The following STX6 variants were observed in gnomAD, a reference collection of about 807,000 sequenced individuals.
STX6 encodes the protein syntaxin-6.
A neutral mutation model predicts 38.0 loss-of-function variants in STX6; 23 were observed. The observed-to-expected ratio is 0.60, with a 90% CI of 0.43 to 0.86. STX6 has a LOEUF of 0.86. Ranked by LOEUF, STX6 falls within the 40% of genes least tolerant of loss-of-function variation. The pLI is 0.00. For synonymous variants in STX6, 123 were observed against 107.5 expected, an observed-to-expected ratio of 1.14 and a Z score of -0.89; for missense variants, 274 against 312.9, an observed-to-expected ratio of 0.88 and a Z score of 0.94.
chr1:180,997,827 TAA>T (rs1290150461), intron 3 of STX6, among the ~76,000 whole-genome samples: 3 of 152,242 alleles, frequency 2.0e-5, no homozygotes, highest in African/African-American at 7.2e-5. Flanking sequence ...CACTGCTTTT[TAA>T]AAGTTTGCAT....
At chr1:180,977,231 A>C (rs193142045) in intron 7 of STX6, among the ~76,000 whole-genome samples, 2 of 152,374 alleles carry the variant, frequency 1.3e-5, no homozygotes, top group East Asian at 3.9e-4. Flanking sequence ...GCTCCTCTGT[A>C]AATGAAAGTG....
Position 180,974,938 on chromosome 1 carries a change from C to T in STX6, c.*1632G>A, listed in dbSNP as rs1398254883. On this transcript the variant is annotated 3_prime_UTR_variant, in exon 8 of 8. Transcript: ENST00000258301. Reference sequence around the variant, plus strand: ...GCATATTTTCTTAACCTACCATGATCTCAAATGAGATAAAATATCCTTCTT... The same window carrying T: ...GCATATTTTCTTAACCTACCATGATTTCAAATGAGATAAAATATCCTTCTT... 1.3e-5 allele frequency: 2 copies of T among 152,538 alleles called. No individual in the cohort carries two copies. The highest frequency in any genetic ancestry group is 2.4e-5 in the African/African-American group (1 of 41,406). The allele number at this position is 152,538 out of a possible 1,614,324, so 9.4% of individuals were successfully genotyped here. A position where few individuals can be genotyped will look rare whatever the true frequency, so the allele number is the denominator to read the frequency against.
At chr1:180,982,529 C>T (rs1655445986) in intron 7 of STX6, among the ~76,000 whole-genome samples, 1 of 152,176 alleles carries the variant, frequency 6.6e-6, no homozygotes, top group Non-Finnish European at 1.5e-5. Context: ...AACTTCAGTG[C>T]TATTTATACA....
At chr1:180,993,070 A>G (rs1419835400) in intron 4 of STX6, among the ~76,000 whole-genome samples, 1 of 152,216 alleles carries the variant, frequency 6.6e-6, no homozygotes, top group Non-Finnish European at 1.5e-5. Context: ...TACAGAATAA[A>G]CACATTAAAA....
chr1:181,022,656 G>C lies in STX6; in HGVS notation c.18C>G (p.Pro6=). Residue 6 remains proline (P), a synonymous_variant, in exon 1 of 8, where the codon CCC becomes CCG. Transcript: ENST00000258301. The part of the protein sequence containing the change: MSMED[P]FFVVKGEVQK... ...ACACTCACCCTTTCACCACAAAGAAGGGGTCCTCCATGGACATGGCGTCCC... is the reference window on the plus strand; with the variant it reads ...ACACTCACCCTTTCACCACAAAGAACGGGTCCTCCATGGACATGGCGTCCC... 1 of 1,610,784 alleles carries C rather than the reference G, an allele frequency of 6.2e-7. No individual in the cohort carries two copies. The highest frequency in any genetic ancestry group is 8.5e-7 in the Non-Finnish European group (1 of 1,178,686).
Position 181,022,501 on chromosome 1 carries a change from C to G in STX6, c.35+138G>C, listed in dbSNP as rs534244365. 14 of 860,774 alleles carry G rather than the reference C, an allele frequency of 1.6e-5. No individual in the cohort carries two copies. In the African/African-American group the frequency reaches 2.0e-4, roughly 12 times the overall value. 53.3% of individuals were successfully genotyped at this position (860,774 alleles called of 1,614,324 possible). On this transcript the variant is annotated intron_variant, in intron 1 of 7. Transcript: ENST00000258301. The stretch of plus-strand genomic sequence containing the variant: ...TCTCTTGACGCTTGGTCATGGCCCT[C>G]AAGACTAAGCCGTCTCCACTGTTCC...
intron 4 of STX6, 85 bp downstream of exon 4, chr1:180,993,278 T>A (rs1372749597): frequency 1.2e-6 from 1 of 838,900 alleles, no homozygotes; most frequent in African/African-American, 1.7e-5. Context: ...GATTACATGA[T>A]CCATGGATGG....
chr1:181,019,334 G>A (rs1269475928), intron 1 of STX6, among the ~76,000 whole-genome samples: 1 of 147,558 alleles, frequency 6.8e-6, no homozygotes, highest in Non-Finnish European at 1.5e-5. Context: ...TATTCAAGGT[G>A]TAGGCTGGAA....
chr1:181,002,056 G>C (rs1483189126), intron 3 of STX6, among the ~76,000 whole-genome samples: 1 of 152,158 alleles, frequency 6.6e-6, no homozygotes, highest in Admixed American at 6.5e-5. Context: ...TGTAGTCCCA[G>C]CTATTTGGGA....
intron 6 of STX6, among the ~76,000 whole-genome samples, chr1:180,985,158 C>T (rs956892557): frequency 6.6e-5 from 10 of 151,938 alleles, no homozygotes; most frequent in Admixed American, 1.3e-4. Context: ...AAAAAAACAA[C>T]GAGATTTCTT....
chr1:180,994,012 T>C (rs1655829415), intron 3 of STX6, among the ~76,000 whole-genome samples: 1 of 152,226 alleles, frequency 6.6e-6, no homozygotes, highest in Admixed American at 6.5e-5. Context: ...TCATGAAAGG[T>C]ATAGACTATT....
intron 3 of STX6, among the ~76,000 whole-genome samples, 190 bp from the exon 4 acceptor site, chr1:180,993,615 A>T (rs1655817952): frequency 6.6e-6 from 1 of 152,262 alleles, no homozygotes; most frequent in Admixed American, 6.5e-5. Context: ...CTTAAAAAGA[A>T]GTAACCTGGA....
In STX6 at chr1:180,973,957, C is replaced by G. The variant is rs1655186250; in HGVS notation, c.*2613G>C. On this transcript the variant is annotated 3_prime_UTR_variant, in exon 8 of 8. Transcript: ENST00000258301. ...GAAGGCTAAAGGGGTAGGAAAGCCC[C>G]AAATACTATAAAGATGCACTTATAA... The G allele has an allele frequency of 6.6e-6, 1 of 152,292 alleles. No homozygotes were observed. Among genetic ancestry groups the G allele is most frequent in the Non-Finnish European group, 1.5e-5 (1 of 68,014 alleles). 9.4% of individuals were successfully genotyped at this position (152,292 alleles called of 1,614,324 possible).
intron 3 of STX6, among the ~76,000 whole-genome samples, chr1:181,000,916 T>C (rs1038385720): frequency 6.7e-6 from 1 of 149,108 alleles, no homozygotes; most frequent in Non-Finnish European, 1.5e-5. Context: ...TAATTGGGGA[T>C]TTACTTATCT....
chr1:180,996,537 G>A (rs1655919567), intron 3 of STX6, among the ~76,000 whole-genome samples: 2 of 152,178 alleles, frequency 1.3e-5, no homozygotes, highest in South Asian at 4.1e-4. Flanking sequence ...TCAGAAATAT[G>A]ACTGATAAGG....
chr1:180,972,921 A>T lies in STX6; in HGVS notation c.*3649T>A, dbSNP rs1655160025. On this transcript the variant is annotated 3_prime_UTR_variant, in exon 8 of 8. Coordinates refer to ENST00000258301, the MANE Select transcript of STX6 (RefSeq NM_005819.6). ...AAGAAAAGAAAGACCACCCCCTATT[A>T]GAAGCAAAGGCCCTGGGAGGAGTAA... The T allele has an allele frequency of 3.6e-6, 1 of 274,112 alleles. No homozygotes were observed. Among genetic ancestry groups the T allele is most frequent in the Non-Finnish European group, 7.1e-6 (1 of 140,138 alleles). The allele number at this position is 274,112 out of a possible 1,614,324, so 17.0% of individuals were successfully genotyped here.
intron 2 of STX6, among the ~76,000 whole-genome samples, chr1:181,004,011 C>T (rs1656155699): frequency 6.6e-6 from 1 of 152,222 alleles, no homozygotes; most frequent in Non-Finnish European, 1.5e-5. Context: ...AAGTGTAACA[C>T]TGGCCTGTAT....
chr1:180,973,708 T>A lies in STX6; in HGVS notation c.*2862A>T, dbSNP rs1378670609. On this transcript the variant is annotated 3_prime_UTR_variant, in exon 8 of 8. Transcript: ENST00000258301. ...GTCCAGGGCATATAGAGCATTGTGA[T>A]TCTTCACAGTCCGCAGAGACAAGAC... is the stretch of plus-strand genomic sequence containing the variant. 6.6e-6 allele frequency: 1 copy of A among 152,660 alleles called. No individual in the cohort carries two copies. The highest frequency in any genetic ancestry group is 1.5e-5 in the Non-Finnish European group (1 of 68,038). The allele number at this position is 152,660 out of a possible 1,614,324, so 9.5% of individuals were successfully genotyped here.
At chr1:180,984,526 G>A (rs1023129081) in intron 7 of STX6, 151 bp downstream of exon 7, 8 of 400,654 alleles carry the variant, frequency 2.0e-5, no homozygotes, top group Non-Finnish European at 3.7e-5. Context: ...TCCAGCCTGG[G>A]TGAAAGAGTG....
Sources: gnomAD v4.1 joint callset for allele counts (sites outside exome capture counted in the v4.1 genomes callset) on GRCh38, gnomAD v4.1.1 for gene constraint, MANE v1.5 for transcripts, NCBI Gene and HGNC (gene_info 2026-07-23, HGNC 2026-07-21) for gene names.